RRAGD: variants seen among roughly 807,000 people sequenced by gnomAD.
RRAGD encodes ras-related GTP-binding protein D.
RRAGD carries 12 observed loss-of-function variants against 35.5 expected under a neutral mutation model. The ratio of observed to expected loss-of-function variants is 0.34; its 90% confidence interval spans 0.22 to 0.55. The LOEUF is 0.55. Ranked by LOEUF, RRAGD falls within the 20% of genes least tolerant of loss-of-function variation. RRAGD has a pLI of 0.91. For synonymous variants in RRAGD, 155 were observed against 178.9 expected, an observed-to-expected ratio of 0.87 and a Z score of 1.07; for missense variants, 324 against 490.1, an observed-to-expected ratio of 0.66 and a Z score of 3.20.
rs1265527727 is a variant in RRAGD at position 89,411,816 on chromosome 6, G to C, written c.148+30C>G. On this transcript the variant is annotated intron_variant, in intron 1 of 6. Coordinates refer to ENST00000369415, the MANE Select transcript of RRAGD (RefSeq NM_021244.5). The surrounding 1 kb of genome is among the most constrained non-coding windows in gnomAD (Gnocchi z 5.6). ...GGCGCCAAGGGGAGGAAAGGGGCGC[G>C]AGCCGAGGACGCGGGGGCCGGGCGC... 3 of 1,537,622 alleles carry C rather than the reference G, an allele frequency of 2.0e-6. No homozygotes were observed. Among genetic ancestry groups the C allele is most frequent in the African/African-American group, 2.8e-5 (2 of 72,606 alleles).
chr6:89,406,049 G>A (rs1419465879), intron 1 of RRAGD, among the ~76,000 whole-genome samples: 1 of 152,184 alleles, frequency 6.6e-6, no homozygotes, highest in Non-Finnish European at 1.5e-5. Flanking sequence ...AAAGATTTTT[G>A]AAGGTGATTC....
chr6:89,402,288 C>T (rs940108749), intron 1 of RRAGD, among the ~76,000 whole-genome samples: 3 of 151,886 alleles, frequency 2.0e-5, no homozygotes, highest in Admixed American at 6.6e-5. Flanking sequence ...CCTCATGATC[C>T]GCCAGCCTCG....
rs1157458382 is a variant in RRAGD at position 89,380,299 on chromosome 6, G to C, written c.513C>G (p.Asp171Glu). Residue 171 changes from aspartate to glutamate, a missense_variant, in exon 3 of 7, where the codon GAC (aspartate) becomes GAG (glutamate). Around this residue, in one of 5 missense-constraint regions of RRAGD, gnomAD observed 152 missense variants for 296.9 expected, o/e 0.51. Coordinates refer to ENST00000369415, the MANE Select transcript of RRAGD (RefSeq NM_021244.5). ...TATGAATAAACACCTCGAAGTTGAT[G>C]TCAGTATTCACTTTGTAGGCCCTGG... ...TVTRAYKVNT[D>E]INFEVFIHKV... is the part of the protein sequence containing the mutation. 1.2e-6 allele frequency: 2 copies of C among 1,614,234 alleles called. No individual in the cohort carries two copies. The highest frequency in any genetic ancestry group is 2.2e-5 in the South Asian group (2 of 91,086).
At chr6:89,380,844 T>C (rs1218950542) in intron 2 of RRAGD, among the ~76,000 whole-genome samples, 1 of 151,106 alleles carries the variant, frequency 6.6e-6, no homozygotes, top group East Asian at 1.9e-4. Context: ...GAGGCAGAGA[T>C]TGCAGTGAGC....
At chr6:89,390,714 A>T (rs1297083744) in intron 1 of RRAGD, among the ~76,000 whole-genome samples, 1 of 152,200 alleles carries the variant, frequency 6.6e-6, no homozygotes, top group African/African-American at 2.4e-5. Context: ...CCTGGCCAAC[A>T]TGGTGAAACC....
chr6:89,376,311 GT>G (rs763977284), intron 5 of RRAGD, among the ~76,000 whole-genome samples: 3,682 of 140,084 alleles, frequency 0.026, 65 homozygotes, highest in Middle Eastern at 0.039. Flanking sequence ...GTGTGTGTGT[GT>G]GTGTGTGTGT....
chr6:89,394,278 A>C (rs1341044943), intron 1 of RRAGD, among the ~76,000 whole-genome samples: 1 of 152,152 alleles, frequency 6.6e-6, no homozygotes, highest in African/African-American at 2.4e-5. Flanking sequence ...GGATATCTAT[A>C]GGAACAAAAA....
chr6:89,391,255 T>A (rs1246079951), intron 1 of RRAGD, among the ~76,000 whole-genome samples: 1 of 150,892 alleles, frequency 6.6e-6, no homozygotes, highest in Non-Finnish European at 1.5e-5. Context: ...TATGGCAGCA[T>A]GCATCTGTAA....
intron 1 of RRAGD, among the ~76,000 whole-genome samples, chr6:89,392,096 A>G (rs544180179): frequency 1.3e-5 from 2 of 152,264 alleles, no homozygotes; most frequent in South Asian, 2.1e-4. Context: ...AATTTTTTTA[A>G]AAGGTTTCAT....
chr6:89,377,012 G>T (rs917477880), intron 5 of RRAGD, among the ~76,000 whole-genome samples: 1 of 151,766 alleles, frequency 6.6e-6, no homozygotes, highest in African/African-American at 2.4e-5. Flanking sequence ...AGACAATGAG[G>T]GTAAAGACCT....
intron 2 of RRAGD, among the ~76,000 whole-genome samples, chr6:89,387,085 G>A (rs138929227): frequency 0.015 from 2,296 of 152,312 alleles, 30 homozygotes; most frequent in Middle Eastern, 0.027. Context: ...TCTATGATTT[G>A]CTGAAGTGTC....
chr6:89,405,966 T>G (rs1436504196), intron 1 of RRAGD, among the ~76,000 whole-genome samples: 1 of 152,210 alleles, frequency 6.6e-6, no homozygotes, highest in East Asian at 1.9e-4. Flanking sequence ...ATCACGAAGA[T>G]TCACTGTCCA....
intron 2 of RRAGD, among the ~76,000 whole-genome samples, chr6:89,386,442 G>C (rs757282901): frequency 2.0e-5 from 3 of 152,160 alleles, no homozygotes; most frequent in Non-Finnish European, 4.4e-5. Flanking sequence ...AATGACTCGC[G>C]ACTGGGAATG....
At chr6:89,402,038 A>ATTTTT (rs71556520) in intron 1 of RRAGD, among the ~76,000 whole-genome samples, 1,065 of 78,398 alleles carry the variant, frequency 0.014, 146 homozygotes, top group African/African-American at 0.063. Context: ...AATCCTAAGG[A>ATTTTT]TTTTTTTTTT....
At chr6:89,369,093 C>T (rs73752748) in intron 6 of RRAGD, among the ~76,000 whole-genome samples, 1 of 144,456 alleles carries the variant, frequency 6.9e-6, no homozygotes, top group Middle Eastern at 3.5e-3. Flanking sequence ...GGATTAAATT[C>T]TTCAAACTAG....
At chr6:89,368,254 C>T in intron 6 of RRAGD, 47 bp from the exon 7 acceptor site, 1 of 1,573,550 alleles carries the variant, frequency 6.4e-7, no homozygotes, top group Non-Finnish European at 8.7e-7. Flanking sequence ...TAGAAATAAT[C>T]TCCATCTTTT....
chr6:89,391,789 CA>C (rs1292242985), intron 1 of RRAGD, among the ~76,000 whole-genome samples: 8 of 149,670 alleles, frequency 5.3e-5, no homozygotes, highest in East Asian at 2.0e-4. Context: ...CCCATCTCTA[CA>C]AAAAAAAATG....
intron 5 of RRAGD, among the ~76,000 whole-genome samples, chr6:89,374,499 C>G (rs1012371812): frequency 1.3e-5 from 2 of 152,070 alleles, no homozygotes; most frequent in African/African-American, 4.8e-5. Context: ...CTTTGGGAGG[C>G]CGAGGTGGAT....
rs559591464 is a variant in RRAGD at position 89,392,255 on chromosome 6, C to T, written c.149-4665G>A. Among the ~76,000 whole-genome samples the T allele has an allele frequency of 7.9e-5, 12 of 152,156 alleles. 1 individual carries two copies. The South Asian group carries it at 2.5e-3, about 32-fold the overall frequency. ...TTGGAAGGCTGAGGTGGGAGGATCA[C>T]CTGAGGCCAGGAGTTTGAGACCAGT... On this transcript the variant is annotated intron_variant, in intron 1 of 6. Transcript: ENST00000369415.
Sources: gnomAD v4.1 joint callset for allele counts (sites outside exome capture counted in the v4.1 genomes callset) on GRCh38, gnomAD v4.1.1 for gene constraint, gnomAD v4.1.1 regional missense constraint, Gnocchi (gnomAD v3.1) non-coding constraint, MANE v1.5 for transcripts, NCBI Gene and HGNC (gene_info 2026-07-23, HGNC 2026-07-21) for gene names.